Variants in SETBP1 observed in about 807,000 individuals in gnomAD.
SETBP1 encodes the protein SET-binding protein.
SETBP1 carries 9 observed loss-of-function variants against 101.0 expected under a neutral mutation model. The observed-to-expected ratio is 0.09, with a 90% CI of 0.05 to 0.16. The LOEUF is 0.16. SETBP1 is among the 10% of genes least tolerant of loss of function. SETBP1 has a pLI of 1.00. For synonymous variants in SETBP1, 818 were observed against 788.5 expected (o/e 1.04, Z -0.63); for missense variants, 1,858 against 2,033.8 (o/e 0.91, Z 1.66).
chr18:44,888,187 A>G (rs761737260), intron 3 of SETBP1, among the ~76,000 whole-genome samples: 1 of 152,046 alleles, frequency 6.6e-6, no homozygotes, highest in Non-Finnish European at 1.5e-5. Context: ...GTCAACTTGG[A>G]TAAGTTGAGC....
At chr18:44,954,329 T>TACA (rs2071434459) in intron 4 of SETBP1, among the ~76,000 whole-genome samples, 1 of 71,608 alleles carries the variant, frequency 1.4e-5, no homozygotes, top group African/African-American at 5.4e-5. Flanking sequence ...TTGCAGAAGC[T>TACA]AAAAAAAAAA....
At chr18:44,824,282 G>T (rs1011322987) in intron 2 of SETBP1, among the ~76,000 whole-genome samples, 8 of 152,136 alleles carry the variant, frequency 5.3e-5, no homozygotes, top group African/African-American at 1.9e-4. Flanking sequence ...ACCCAACAGT[G>T]CACCCTGCCT....
At chr18:44,934,656 A>G (rs1210824234) in intron 3 of SETBP1, among the ~76,000 whole-genome samples, 1 of 152,162 alleles carries the variant, frequency 6.6e-6, no homozygotes, top group Non-Finnish European at 1.5e-5. Flanking sequence ...TATTTGATTC[A>G]CTTGTTGACC....
At chr18:44,986,675 C>T (rs1346379871) in intron 4 of SETBP1, 1 of 150,514 alleles carries the variant, frequency 6.6e-6, no homozygotes, top group African/African-American at 2.5e-5. Flanking sequence ...CAAACAGATA[C>T]ATTCACCTAG....
intron 4 of SETBP1, among the ~76,000 whole-genome samples, chr18:44,973,019 T>C (rs552310653): frequency 3.9e-5 from 6 of 152,350 alleles, no homozygotes; most frequent in Admixed American, 3.3e-4. Flanking sequence ...GGGTTTGTCA[T>C]AGATAGCTGT....
At chr18:44,741,159 C>T (rs556952360) in intron 2 of SETBP1, among the ~76,000 whole-genome samples, 1 of 152,246 alleles carries the variant, frequency 6.6e-6, no homozygotes, top group African/African-American at 2.4e-5. Flanking sequence ...CTATTCTGTC[C>T]CAAGCCTTGA....
chr18:44,946,286 G>T (rs1196113394), intron 3 of SETBP1, among the ~76,000 whole-genome samples: 1 of 152,194 alleles, frequency 6.6e-6, no homozygotes, highest in East Asian at 1.9e-4. Context: ...AGGAACAATG[G>T]GATCAGGCAG....
intron 3 of SETBP1, among the ~76,000 whole-genome samples, chr18:44,895,150 G>A (rs2069864193): frequency 7.9e-6 from 1 of 126,428 alleles, no homozygotes; most frequent in African/African-American, 3.0e-5. Context: ...AGAAAGAAAG[G>A]AGAAGAGGGA....
At chr18:44,687,482 A>C (rs1028499912) in intron 1 of SETBP1, among the ~76,000 whole-genome samples, 1 of 152,202 alleles carries the variant, frequency 6.6e-6, no homozygotes, top group African/African-American at 2.4e-5. Context: ...TGGGGGGAGC[A>C]CTTATTAGAA....
chr18:44,879,810 C>G (rs556486112), intron 3 of SETBP1, among the ~76,000 whole-genome samples: 1 of 152,292 alleles, frequency 6.6e-6, no homozygotes, highest in East Asian at 1.9e-4. Context: ...AAGGGAACAC[C>G]TCACACTTGC....
intron 4 of SETBP1, among the ~76,000 whole-genome samples, chr18:45,027,881 A>G (rs954409177): frequency 6.6e-6 from 1 of 152,164 alleles, no homozygotes; most frequent in Non-Finnish European, 1.5e-5. Flanking sequence ...ACTGTAGGAG[A>G]TAATCCATTT....
At chr18:45,010,304 G>A (rs2072812458) in intron 4 of SETBP1, among the ~76,000 whole-genome samples, 1 of 152,224 alleles carries the variant, frequency 6.6e-6, no homozygotes, top group Non-Finnish European at 1.5e-5. Flanking sequence ...TCACGCTCTA[G>A]TAGATGGTTA....
In SETBP1 at chr18:44,971,272, TCATTGTTGGA is replaced by T. The variant is rs2071852058; in HGVS notation, c.4000+17937_4000+17946del. 2.6e-5 allele frequency among the ~76,000 whole-genome samples: 4 copies of T among 152,332 alleles called. No homozygotes were observed. The South Asian group carries it at 6.2e-4, about 24-fold the overall frequency. ...TGCCACATTTTCTTAATCCAGTCTA[TCATTGTTGGA>T]CATTTGGGTTGGTTCCAAGTCTTTG... On this transcript the variant is annotated intron_variant, in intron 4 of 5. Coordinates refer to ENST00000649279, the MANE Select transcript of SETBP1 (RefSeq NM_015559.3).
At chr18:44,688,856 C>T (rs988496159) in intron 1 of SETBP1, among the ~76,000 whole-genome samples, 1 of 152,172 alleles carries the variant, frequency 6.6e-6, no homozygotes, top group African/African-American at 2.4e-5. Context: ...CTTTAGAGCT[C>T]TATTACGACT....
chr18:44,901,817 T>G (rs1438735557), intron 3 of SETBP1, among the ~76,000 whole-genome samples: 2 of 152,238 alleles, frequency 1.3e-5, no homozygotes, highest in Non-Finnish European at 2.9e-5. Flanking sequence ...GGACAAGCAT[T>G]CTTAGAAATG....
chr18:44,875,303 G>A (rs1390716974), intron 3 of SETBP1, among the ~76,000 whole-genome samples: 1 of 151,960 alleles, frequency 6.6e-6, no homozygotes, highest in African/African-American at 2.4e-5. Flanking sequence ...GGTGGATCAT[G>A]GGGTCAAGAG....
At chr18:45,042,879 C>A (rs1333373484) in intron 5 of SETBP1, among the ~76,000 whole-genome samples, 3 of 152,138 alleles carry the variant, frequency 2.0e-5, no homozygotes, top group African/African-American at 7.2e-5. Flanking sequence ...AGATCAGCCT[C>A]AGTGGTCAAA....
intron 5 of SETBP1, among the ~76,000 whole-genome samples, chr18:45,044,572 A>G (rs1028106682): frequency 5.3e-5 from 8 of 152,276 alleles, no homozygotes; most frequent in African/African-American, 1.4e-4. Context: ...TTCTGATTTA[A>G]TCTGAACCTC....
chr18:45,006,567 A>G (rs1297746073), intron 4 of SETBP1, among the ~76,000 whole-genome samples: 1 of 152,140 alleles, frequency 6.6e-6, no homozygotes, highest in Non-Finnish European at 1.5e-5. Context: ...AACCTCTGGC[A>G]TTCTTTGGCT....
Sources: allele counts gnomAD v4.1 joint callset (sites outside exome capture counted in the v4.1 genomes callset), GRCh38; gene constraint gnomAD v4.1.1; transcripts MANE v1.5; gene names NCBI Gene and HGNC (gene_info 2026-07-23, HGNC 2026-07-21).